LRP8: variants seen among roughly 807,000 people sequenced by gnomAD.
LRP8 encodes low-density lipoprotein receptor-related protein 8.
Under a neutral mutation model 111.6 loss-of-function variants are expected in LRP8, and 46 were observed. The ratio of observed to expected loss-of-function variants is 0.41; its 90% CI spans 0.33 to 0.53. The LOEUF (loss-of-function observed/expected upper bound fraction) is 0.53. LRP8 is among the 20% of genes least tolerant of loss of function. The pLI is 0.20. For synonymous variants in LRP8, 464 were observed against 511.2 expected (o/e 0.91, Z 1.24); for missense variants, 959 against 1,297.4 (o/e 0.74, Z 4.01).
In LRP8 at chr1:53,264,214, C is replaced by T. The variant is rs150845542; in HGVS notation, c.1610G>A (p.Arg537His). The T allele has an allele frequency of 1.5e-5, 24 of 1,614,026 alleles. No individual in the cohort carries two copies. The highest frequency in any genetic ancestry group is 1.3e-4 in the African/African-American group (10 of 74,896). Residue 537 changes from arginine (R) to histidine (H), a missense_variant, in exon 10 of 19, where the codon CGT becomes CAT. Around this residue, in one of 3 missense-constraint regions of LRP8, gnomAD observed 819 missense variants for 1,097.6 expected, o/e 0.75. Coordinates refer to ENST00000306052, the MANE Select transcript of LRP8 (RefSeq NM_004631.5). ...GATGGCCCGGGGTTCACTGAGGTTA[C>T]GGCTGAAGAGAGTGCGTCGGCGGCC... is the stretch of plus-strand genomic sequence containing the variant. Reference protein sequence around the residue: ...DGGRRRTLFSRNLSEPRAIAV... With the variant: ...DGGRRRTLFSHNLSEPRAIAV...
Position 53,327,897 on chromosome 1 carries a change from G to C in LRP8, c.16C>G (p.Pro6Ala). The C allele has an allele frequency of 6.9e-7, 1 of 1,456,738 alleles. No homozygotes were observed. The highest frequency in any genetic ancestry group is 1.3e-5 in the South Asian group (1 of 76,564). 90.2% of individuals were successfully genotyped at this position (1,456,738 alleles called of 1,614,324 possible). Residue 6 changes from proline to alanine, a missense_variant, in exon 1 of 19, where the codon CCG (proline) becomes GCG (alanine). Physicochemically the swap from Pro to Ala is conservative, Grantham distance 27 (BLOSUM62 -1). Transcript: ENST00000306052. Reference sequence around the variant, plus strand: ...AGCGCCAGAAGCCGGAGAGGGCCCGGCTCGGGGAGGCCCATGGCGGGCCCG... The same window carrying C: ...AGCGCCAGAAGCCGGAGAGGGCCCGCCTCGGGGAGGCCCATGGCGGGCCCG... MGLPE[P>A]GPLRLLALLL... is the part of the protein sequence containing the mutation.
At position 53,246,823 on chromosome 1, in the gene LRP8, C is replaced by T; in HGVS notation, c.*195G>A. 1 of 579,622 alleles carries T rather than the reference C, an allele frequency of 1.7e-6. No homozygotes were observed. The highest frequency in any genetic ancestry group is 3.3e-5 in the East Asian group (1 of 30,764). The allele number at this position is 579,622 out of a possible 1,614,324, so 35.9% of individuals were successfully genotyped here. On this transcript the variant is annotated 3_prime_UTR_variant, in exon 19 of 19. Coordinates refer to ENST00000306052, the MANE Select transcript of LRP8 (RefSeq NM_004631.5). The stretch of plus-strand genomic sequence containing the variant: ...AAAACATTATACATAGAAAAACTCT[C>T]ACATCCTTTGGATGTTTGCAGTTCA...
chr1:53,312,596 G>C (rs1280306841), intron 2 of LRP8, among the ~76,000 whole-genome samples: 1 of 151,678 alleles, frequency 6.6e-6, no homozygotes, highest in African/African-American at 2.4e-5. Flanking sequence ...GGCCTTAAGT[G>C]ATCCTCCCAT....
At chr1:53,308,900 C>T (rs1208930886) in intron 2 of LRP8, among the ~76,000 whole-genome samples, 1 of 152,200 alleles carries the variant, frequency 6.6e-6, no homozygotes, top group Non-Finnish European at 1.5e-5. Context: ...GCTACGTGAC[C>T]CTGGGTGTTT....
Position 53,293,345 on chromosome 1 carries a change from G to A in LRP8, c.245-3656C>T, listed in dbSNP as rs1175253660. On this transcript the variant is annotated intron_variant, in intron 2 of 18. Coordinates refer to ENST00000306052, the MANE Select transcript of LRP8 (RefSeq NM_004631.5). This position sits in a 1 kb window ranked among gnomAD's most constrained non-coding sequence, Gnocchi z 4.9. ...TGTTTTTGGCAACAGATTCGGTGGT[G>A]TTTTTGGGAACAGATTTGTTCACTG... Among the ~76,000 whole-genome samples the A allele has an allele frequency of 6.6e-6, 1 of 152,196 alleles. No individual in the cohort carries two copies. The highest frequency in any genetic ancestry group is 1.5e-5 in the Non-Finnish European group (1 of 68,038).
intron 2 of LRP8, among the ~76,000 whole-genome samples, chr1:53,295,763 C>T (rs1471920648): frequency 6.6e-6 from 1 of 152,192 alleles, no homozygotes; most frequent in Admixed American, 6.5e-5. Context: ...CGGTTTCCTC[C>T]AGCCTTCCAA....
intron 2 of LRP8, among the ~76,000 whole-genome samples, chr1:53,311,567 G>A (rs1653000577): frequency 6.6e-6 from 1 of 152,014 alleles, no homozygotes; most frequent in South Asian, 2.1e-4. Flanking sequence ...CACAGAGGAA[G>A]GAGCGATACT....
intron 8 of LRP8, among the ~76,000 whole-genome samples, chr1:53,269,137 C>T (rs1232236037): frequency 6.6e-6 from 1 of 152,204 alleles, no homozygotes; most frequent in Non-Finnish European, 1.5e-5. Context: ...GGCTTCATCT[C>T]TTCCTAGTTT....
chr1:53,327,453 C>G, intron 1 of LRP8: 1 of 261,552 alleles, frequency 3.8e-6, no homozygotes, highest in Non-Finnish European at 7.2e-6. Context: ...ATTACCGCCG[C>G]GGAGCGCGCG....
At chr1:53,297,271 G>A (rs142328027) in intron 2 of LRP8, among the ~76,000 whole-genome samples, 15 of 152,322 alleles carry the variant, frequency 9.8e-5, no homozygotes, top group East Asian at 1.9e-4. Context: ...CGCCAGAGTC[G>A]GAGATGTCGA....
At chr1:53,302,718 A>T (rs1219267902) in intron 2 of LRP8, among the ~76,000 whole-genome samples, 1 of 148,818 alleles carries the variant, frequency 6.7e-6, no homozygotes, top group African/African-American at 2.5e-5. Flanking sequence ...TTTTGGAGAC[A>T]GGGTTTCCCT....
In LRP8 at chr1:53,317,600, G is replaced by T. The variant is rs1235138773; in HGVS notation, c.244+9273C>A. Among the ~76,000 whole-genome samples the T allele has an allele frequency of 3.3e-5, 5 of 152,306 alleles. No homozygotes were observed. The East Asian group carries it at 9.6e-4, about 29-fold the overall frequency. Reference sequence around the variant, plus strand: ...GTGGAGGAGGAGGAAAGCTGAGGACGGTTCCTTTTACTCAGCCATTCCCTG... The same window carrying T: ...GTGGAGGAGGAGGAAAGCTGAGGACTGTTCCTTTTACTCAGCCATTCCCTG... On this transcript the variant is annotated intron_variant, in intron 2 of 18. Transcript: ENST00000306052. This position sits in a 1 kb window ranked among gnomAD's most constrained non-coding sequence, Gnocchi z 4.9.
chr1:53,311,337 C>T (rs564980310), intron 2 of LRP8, among the ~76,000 whole-genome samples: 122 of 152,242 alleles, frequency 8.0e-4, no homozygotes, highest in African/African-American at 2.4e-3. Flanking sequence ...AGGCAGGTGG[C>T]GGGCTTACCC....
In LRP8 at chr1:53,250,495, A is replaced by G. The variant is rs1002442130; in HGVS notation, c.2676+195T>C. ...GAAGGAAAGAAGGAGGAAGGGAAGGAGGGAGGAAAGGAAGGAAAGAAGGAA... is the reference window on the plus strand; with the variant it reads ...GAAGGAAAGAAGGAGGAAGGGAAGGGGGGAGGAAAGGAAGGAAAGAAGGAA... On this transcript the variant is annotated intron_variant, in intron 17 of 18. Coordinates refer to ENST00000306052, the MANE Select transcript of LRP8 (RefSeq NM_004631.5). This position sits in a 1 kb window ranked among gnomAD's most constrained non-coding sequence, Gnocchi z 4.6. Among the ~76,000 whole-genome samples the G allele has an allele frequency of 2.7e-5, 4 of 147,096 alleles. No homozygotes were observed. Among genetic ancestry groups the G allele is most frequent in the Non-Finnish European group, 4.5e-5 (3 of 66,854 alleles).
In LRP8 at chr1:53,246,964, G is replaced by C; in HGVS notation, c.*54C>G. 4 of 1,476,572 alleles carry C rather than the reference G, an allele frequency of 2.7e-6. No homozygotes were observed. In the South Asian group the frequency reaches 4.6e-5, roughly 17 times the overall value. 91.5% of individuals were successfully genotyped at this position (1,476,572 alleles called of 1,614,324 possible). ...CATTCATCCAGTCATACACCATCCA[G>C]AGTGTAGTGCATGGGACTGAATTCC... On this transcript the variant is annotated 3_prime_UTR_variant, in exon 19 of 19. Coordinates refer to ENST00000306052, the MANE Select transcript of LRP8 (RefSeq NM_004631.5).
At chr1:53,327,711 C>A in intron 1 of LRP8, 78 bp downstream of exon 1, 1 of 1,361,814 alleles carries the variant, frequency 7.3e-7, no homozygotes, top group Non-Finnish European at 9.6e-7. Flanking sequence ...CTGGACCCCT[C>A]CCCGCTCCGG....
intron 2 of LRP8, among the ~76,000 whole-genome samples, chr1:53,290,455 C>T (rs866946803): frequency 6.6e-6 from 1 of 152,168 alleles, no homozygotes; most frequent in Non-Finnish European, 1.5e-5. Context: ...CAGACTCAGG[C>T]ACATGGCAGA....
At chr1:53,261,994 C>A in intron 12 of LRP8, 74 bp downstream of exon 12, 3 of 1,537,384 alleles carry the variant, frequency 2.0e-6, no homozygotes, top group Non-Finnish European at 1.8e-6. Flanking sequence ...GTCTCAGGGA[C>A]TCATCCTATT....
Position 53,242,721 on chromosome 1 carries a change from A to C in LRP8, c.*4297T>G, listed in dbSNP as rs1645664100. ...TTTGCAAATCAGCACTTTACCCCCA[A>C]ATTAACAACAGCTTGTATGGAAAAA... is the stretch of plus-strand genomic sequence containing the variant. On this transcript the variant is annotated 3_prime_UTR_variant, in exon 19 of 19. Transcript: ENST00000306052. 1 of 152,070 alleles carries C rather than the reference A, an allele frequency of 6.6e-6. No homozygotes were observed. The highest frequency in any genetic ancestry group is 1.5e-5 in the Non-Finnish European group (1 of 68,018). The allele number at this position is 152,070 out of a possible 1,614,324, so 9.4% of individuals were successfully genotyped here. A position where few individuals can be genotyped will look rare whatever the true frequency, so the allele number is the denominator to read the frequency against.
Sources: gnomAD v4.1 joint callset for allele counts (sites outside exome capture counted in the v4.1 genomes callset) on GRCh38, gnomAD v4.1.1 for gene constraint, gnomAD v4.1.1 regional missense constraint, Gnocchi (gnomAD v3.1) non-coding constraint, MANE v1.5 for transcripts, NCBI Gene and HGNC (gene_info 2026-07-23, HGNC 2026-07-21) for gene names.